NAV1: variants seen among roughly 807,000 people sequenced by gnomAD.
The protein encoded by NAV1 is pore membrane and/or filament interacting like protein 3.
Under a neutral mutation model 175.2 loss-of-function variants are expected in NAV1, and 18 were observed. The ratio of observed to expected loss-of-function variants is 0.10; its 90% CI spans 0.07 to 0.15. NAV1 has a LOEUF of 0.15. Among genes scored for constraint, NAV1 ranks in the 10% least tolerant of loss-of-function variants. NAV1 has a pLI of 1.00. For synonymous variants in NAV1, 897 were observed against 978.7 expected, an observed-to-expected ratio of 0.92 and a Z score of 1.56; for missense variants, 1,731 against 2,436.6, an observed-to-expected ratio of 0.71 and a Z score of 6.10.
chr1:201,673,759 G>A (rs1166484377), intron 1 of NAV1: 1 of 152,288 alleles, frequency 6.6e-6, no homozygotes, highest in Non-Finnish European at 1.5e-5. Flanking sequence ...TTGAATAGCA[G>A]CCTTGTCTAG....
chr1:201,601,548 A>G (rs1293085798), intron 2 of NAV1, among the ~76,000 whole-genome samples: 24 of 152,184 alleles, frequency 1.6e-4, no homozygotes, highest in Admixed American at 1.6e-3. Context: ...TGATTTGGTC[A>G]TGAGGGCAGA....
At chr1:201,566,759 C>T (rs1463181490) in intron 1 of NAV1, among the ~76,000 whole-genome samples, 1 of 151,996 alleles carries the variant, frequency 6.6e-6, no homozygotes, top group Non-Finnish European at 1.5e-5. Context: ...CATAATCCCC[C>T]ACTCCAGAAG....
chr1:201,787,268 C>T lies in NAV1; in HGVS notation c.2995+691C>T, dbSNP rs1157195778. Among the ~76,000 whole-genome samples the T allele has an allele frequency of 6.6e-6, 1 of 152,246 alleles. No homozygotes were observed. Among genetic ancestry groups the T allele is most frequent in the Non-Finnish European group, 1.5e-5 (1 of 68,046 alleles). On this transcript the variant is annotated intron_variant, in intron 9 of 29. Coordinates refer to ENST00000367296, the Ensembl canonical transcript of NAV1. This position sits in a 1 kb window ranked among gnomAD's most constrained non-coding sequence, Gnocchi z 4.3. ...ACGCCATGATTGGCCTACTAGGAAT[C>T]CATTCAGGAATAGTGCCTGGGATAG... is the stretch of plus-strand genomic sequence containing the variant.
intron 2 of NAV1, among the ~76,000 whole-genome samples, chr1:201,616,396 C>G (rs1188324673): frequency 3.9e-5 from 6 of 152,140 alleles, no homozygotes; most frequent in African/African-American, 1.4e-4. Context: ...CAACTACCAA[C>G]CTGACTGCTC....
At chr1:201,734,898 G>T (rs1202425094) in intron 3 of NAV1, among the ~76,000 whole-genome samples, 1 of 152,140 alleles carries the variant, frequency 6.6e-6, no homozygotes, top group Non-Finnish European at 1.5e-5. Context: ...TTACTGAGAC[G>T]GTAGCTCACT....
intron 3 of NAV1, among the ~76,000 whole-genome samples, chr1:201,727,295 G>T (rs990250572): frequency 6.6e-6 from 1 of 152,066 alleles, no homozygotes; most frequent in African/African-American, 2.4e-5. Flanking sequence ...TAACCTTCAT[G>T]CTTGAAAATG....
intron 3 of NAV1, among the ~76,000 whole-genome samples, chr1:201,738,646 C>G (rs1673220186): frequency 1.3e-5 from 2 of 152,198 alleles, no homozygotes; most frequent in African/African-American, 4.8e-5. Flanking sequence ...TTCAGGAGTG[C>G]AAACCTCTCC....
At chr1:201,567,550 T>C (rs1316799340) in intron 1 of NAV1, among the ~76,000 whole-genome samples, 1 of 152,190 alleles carries the variant, frequency 6.6e-6, no homozygotes, top group Non-Finnish European at 1.5e-5. Flanking sequence ...CAGGGATCCA[T>C]ATGGTCTAAC....
chr1:201,585,592 T>C (rs915200574), intron 1 of NAV1, among the ~76,000 whole-genome samples: 7 of 151,832 alleles, frequency 4.6e-5, no homozygotes, highest in African/African-American at 1.5e-4. Context: ...ATGTGGAAAA[T>C]ATAAAAAACT....
At chr1:201,588,986 T>C (rs1415871508) in intron 2 of NAV1, among the ~76,000 whole-genome samples, 1 of 151,988 alleles carries the variant, frequency 6.6e-6, no homozygotes, top group Non-Finnish European at 1.5e-5. Context: ...TAGCTGGGAC[T>C]ACAGGCACAC....
chr1:201,760,191 C>T (rs1172085004), intron 3 of NAV1, among the ~76,000 whole-genome samples: 1 of 152,140 alleles, frequency 6.6e-6, no homozygotes, highest in Non-Finnish European at 1.5e-5. Context: ...GGTGGCTGGG[C>T]ATGGTGGTTC....
chr1:201,597,826 T>G (rs1667399681), intron 2 of NAV1, among the ~76,000 whole-genome samples: 1 of 152,212 alleles, frequency 6.6e-6, no homozygotes, highest in Non-Finnish European at 1.5e-5. Flanking sequence ...CCTGGCCCAG[T>G]GTGACGAGGT....
At chr1:201,583,010 CG>C (rs1456667973) in intron 1 of NAV1, among the ~76,000 whole-genome samples, 3 of 152,246 alleles carry the variant, frequency 2.0e-5, no homozygotes, top group African/African-American at 7.2e-5. Context: ...ACTGTGTATA[CG>C]GGATCCCTCA....
chr1:201,756,794 CTCTT>C lies in NAV1; in HGVS notation c.1227-23616_1227-23613del, dbSNP rs1319044206. ...AAGGGCAAAGAACTAATGAGCAATTCTCTTTCTTTCTTTCCTTCTTTCTTTCTTT... is the reference window on the plus strand; with the variant it reads ...AAGGGCAAAGAACTAATGAGCAATTCTCTTTCTTTCCTTCTTTCTTTCTTT... On this transcript the variant is annotated intron_variant, in intron 3 of 29. Transcript: ENST00000367296. 2.9e-4 allele frequency among the ~76,000 whole-genome samples: 42 copies of C among 143,672 alleles called. 1 individual carries two copies. Among genetic ancestry groups the C allele is most frequent in the African/African-American group, 1.0e-3 (40 of 38,676 alleles). 94.3% of individuals were successfully genotyped at this position (143,672 alleles called of 152,430 possible). A position where few individuals can be genotyped will look rare whatever the true frequency, so the allele number is the denominator to read the frequency against.
At chr1:201,814,838 G>A (rs1400802423) in intron 28 of NAV1, among the ~76,000 whole-genome samples, 1 of 151,960 alleles carries the variant, frequency 6.6e-6, no homozygotes, top group African/African-American at 2.4e-5. Flanking sequence ...AGGAGATCGA[G>A]ACCGTCGTGG....
intron 1 of NAV1, among the ~76,000 whole-genome samples, chr1:201,627,797 C>G (rs1292340255): frequency 6.6e-6 from 1 of 152,030 alleles, no homozygotes; most frequent in African/African-American, 2.4e-5. Context: ...ACCAACCAAC[C>G]CCAGTCTTTC....
At chr1:201,568,702 T>C (rs148698465) in intron 1 of NAV1, among the ~76,000 whole-genome samples, 1 of 152,310 alleles carries the variant, frequency 6.6e-6, no homozygotes, top group African/African-American at 2.4e-5. Flanking sequence ...AATAACATAA[T>C]ATAATATAAT....
In NAV1 at chr1:201,672,046, T is replaced by A. The variant is rs368354744; in HGVS notation, c.757+22621T>A. Reference sequence around the variant, plus strand: ...AGCCTGCCAAAGCTTTCCTCTCTCTTCTTCCTTCTCTACTTTCTCTCAGGA... The same window carrying A: ...AGCCTGCCAAAGCTTTCCTCTCTCTACTTCCTTCTCTACTTTCTCTCAGGA... On this transcript the variant is annotated intron_variant, in intron 1 of 29. Transcript: ENST00000367296. 4.0e-4 allele frequency among the ~76,000 whole-genome samples: 61 copies of A among 152,290 alleles called. 2 individuals carry two copies. The Middle Eastern group carries it at 0.031, about 76-fold the overall frequency.
At chr1:201,564,159 A>C (rs578242877) in intron 1 of NAV1, among the ~76,000 whole-genome samples, 29 of 150,504 alleles carry the variant, frequency 1.9e-4, no homozygotes, top group South Asian at 1.7e-3. Context: ...GGAAGGAAGG[A>C]AGGCAGGCAG....
Sources: gnomAD v4.1 joint callset for allele counts (sites outside exome capture counted in the v4.1 genomes callset) on GRCh38, gnomAD v4.1.1 for gene constraint, Gnocchi (gnomAD v3.1) non-coding constraint, MANE v1.5 for transcripts, NCBI Gene and HGNC (gene_info 2026-07-23, HGNC 2026-07-21) for gene names.